Variants in MTCL2 observed in about 807,000 individuals in gnomAD.
MTCL2 encodes the protein microtubule cross-linking factor 2.
chr20:36,836,341 ATTTTT>A, the MTCL2 span, among the ~76,000 whole-genome samples: 1 of 85,404 alleles, frequency 1.2e-5, no homozygotes, highest in Non-Finnish European at 2.2e-5. Flanking sequence ...CGCCCAGCTA[ATTTTT>A]TTTTTTTTTT....
At chr20:36,858,095 A>T in the MTCL2 span, among the ~76,000 whole-genome samples, 1 of 151,990 alleles carries the variant, frequency 6.6e-6, no homozygotes, top group African/African-American at 2.4e-5. Flanking sequence ...ACGCTAGTTA[A>T]CAACCAAAAG....
chr20:36,805,782 T>C, the MTCL2 span: 4 of 1,310,530 alleles, frequency 3.1e-6, no homozygotes, highest in African/African-American at 4.4e-5. Context: ...GAGAAAGCAG[T>C]AGGAATTGAT....
chr20:36,803,127 A>C, the MTCL2 span: 1 of 1,581,362 alleles, frequency 6.3e-7, no homozygotes, highest in Non-Finnish European at 8.6e-7. Flanking sequence ...GAAGCAGACT[A>C]AGCAGCTGGC....
the MTCL2 span, among the ~76,000 whole-genome samples, chr20:36,789,525 G>T: frequency 6.6e-6 from 1 of 152,084 alleles, no homozygotes; most frequent in Non-Finnish European, 1.5e-5. Flanking sequence ...GCCGGGCGTG[G>T]TGGCATGTGC....
At chr20:36,829,337 C>G in the MTCL2 span, 73 of 907,534 alleles carry the variant, frequency 8.0e-5, no homozygotes, top group Non-Finnish European at 1.1e-4. Context: ...TATCGCATCA[C>G]TGCCACGCTG....
chr20:36,848,642 C>T, the MTCL2 span, among the ~76,000 whole-genome samples: 1 of 152,166 alleles, frequency 6.6e-6, no homozygotes, highest in East Asian at 1.9e-4. Flanking sequence ...GGTGCCCAAG[C>T]ACACGCAAAC....
At chr20:36,813,339 A>AAAAAAG in the MTCL2 span, among the ~76,000 whole-genome samples, 1 of 146,906 alleles carries the variant, frequency 6.8e-6, no homozygotes, top group African/African-American at 2.5e-5. Flanking sequence ...AAAAAAAAAA[A>AAAAAAG]GGCAATGTGC....
the MTCL2 span, chr20:36,863,379 T>A: frequency 8.7e-7 from 1 of 1,152,964 alleles, no homozygotes; most frequent in Non-Finnish European, 1.1e-6. This position sits in a 1 kb window ranked among gnomAD's most constrained non-coding sequence, Gnocchi z 6.2. Flanking sequence ...GCTGCGCGCA[T>A]GGCCCAGGCC....
At chr20:36,835,495 G>A in the MTCL2 span, among the ~76,000 whole-genome samples, 20 of 152,336 alleles carry the variant, frequency 1.3e-4, no homozygotes, top group African/African-American at 4.1e-4. Context: ...GGACCACGGA[G>A]CTGGCAGAGC....
chr20:36,814,457 G>A, the MTCL2 span, among the ~76,000 whole-genome samples: 17 of 152,196 alleles, frequency 1.1e-4, no homozygotes, highest in African/African-American at 3.9e-4. Context: ...CATTTAAAAT[G>A]TGACTATTAG....
chr20:36,822,168 G>A, the MTCL2 span, among the ~76,000 whole-genome samples: 2,336 of 152,366 alleles, frequency 0.015, 18 homozygotes, highest in Middle Eastern at 0.051. Flanking sequence ...CCCTCTGCAC[G>A]GCAGCAGCTG....
chr20:36,843,290 G>A, the MTCL2 span, among the ~76,000 whole-genome samples: 3 of 152,130 alleles, frequency 2.0e-5, no homozygotes, highest in Non-Finnish European at 4.4e-5. Context: ...GGTTGCCAGC[G>A]CCCCCTGAGG....
the MTCL2 span, among the ~76,000 whole-genome samples, chr20:36,809,161 G>T: frequency 6.6e-6 from 1 of 152,180 alleles, no homozygotes; most frequent in African/African-American, 2.4e-5. Context: ...GCAGTGTCAT[G>T]CCTAACAGAG....
At chr20:36,793,731 T>G in the MTCL2 span, 1 of 1,543,738 alleles carries the variant, frequency 6.5e-7, no homozygotes, top group African/African-American at 1.4e-5. This position sits in a 1 kb window ranked among gnomAD's most constrained non-coding sequence, Gnocchi z 6.8. Flanking sequence ...CTGTCCAGCT[T>G]GGACACAGAC....
the MTCL2 span, among the ~76,000 whole-genome samples, chr20:36,821,165 T>C: frequency 1.3e-5 from 2 of 152,176 alleles, no homozygotes; most frequent in Non-Finnish European, 1.5e-5. Context: ...TAGGCATGCA[T>C]CTGTGTGCTT....
the MTCL2 span, chr20:36,780,467 TA>T: frequency 3.3e-5 from 5 of 152,212 alleles, no homozygotes; most frequent in Non-Finnish European, 7.3e-5. Context: ...ATCATTCTTT[TA>T]AAAAGGAAGG....
At chr20:36,859,230 C>T in the MTCL2 span, among the ~76,000 whole-genome samples, 1 of 152,232 alleles carries the variant, frequency 6.6e-6, no homozygotes, top group Admixed American at 6.5e-5. Flanking sequence ...TCCATCCACA[C>T]CCAGTGGGTT....
At chr20:36,835,963 A>AT in the MTCL2 span, among the ~76,000 whole-genome samples, 2 of 151,808 alleles carry the variant, frequency 1.3e-5, no homozygotes, top group East Asian at 1.9e-4. Flanking sequence ...GAAGTCTGAC[A>AT]TTTTTTTGTG....
At chr20:36,802,065 C>A in the MTCL2 span, among the ~76,000 whole-genome samples, 1 of 152,042 alleles carries the variant, frequency 6.6e-6, no homozygotes, top group Non-Finnish European at 1.5e-5. Flanking sequence ...GCGGGAGGAT[C>A]ACTTGAGGCC....
Sources: allele counts gnomAD v4.1 joint callset (sites outside exome capture counted in the v4.1 genomes callset), GRCh38; gene constraint gnomAD v4.1.1; non-coding constraint Gnocchi (gnomAD v3.1); transcripts MANE v1.5; gene names NCBI Gene and HGNC (gene_info 2026-07-23, HGNC 2026-07-21).